The following AGTRAP variants were observed in gnomAD, a reference collection of about 807,000 sequenced individuals.
AGTRAP encodes the protein type-1 angiotensin II receptor-associated protein.
A neutral mutation model predicts 15.2 loss-of-function variants in AGTRAP; 7 were observed. That is an observed-to-expected ratio of 0.46 (90% CI 0.26 to 0.87). The LOEUF is 0.87. Among genes scored for constraint, AGTRAP ranks in the 40% least tolerant of loss-of-function variants. The pLI is 0.15. For missense variants in AGTRAP, 187 were observed against 213.4 expected, an observed-to-expected ratio of 0.88 and a Z score of 0.77; for synonymous variants, 74 against 89.6, an observed-to-expected ratio of 0.83 and a Z score of 0.98.
At chr1:11,744,891 G>A (rs879542272) in intron 1 of AGTRAP, among the ~76,000 whole-genome samples, 13 of 152,002 alleles carry the variant, frequency 8.6e-5, no homozygotes, top group Non-Finnish European at 1.5e-4. Context: ...AGTTTCTCTC[G>A]TCGCCCAGGC....
At chr1:11,744,569 G>A (rs770896782) in intron 1 of AGTRAP, 16 of 716,276 alleles carry the variant, frequency 2.2e-5, no homozygotes, top group Non-Finnish European at 3.6e-5. Context: ...TCACCCTCAC[G>A]TGAGTCCCCA....
chr1:11,749,960 A>G lies in AGTRAP; in HGVS notation c.365-117A>G, dbSNP rs963478406. ...GGGGCTGCTGCCTCTGTCTCTGTGC[A>G]TGGTGTCAGGATGCCCAGCCCGAGG... On this transcript the variant is annotated intron_variant, in intron 4 of 4. Coordinates refer to ENST00000314340, the MANE Select transcript of AGTRAP (RefSeq NM_020350.5). 5 of 710,052 alleles carry G rather than the reference A, an allele frequency of 7.0e-6. No individual in the cohort carries two copies. The Admixed American group carries it at 8.7e-5, about 12-fold the overall frequency. The allele number at this position is 710,052 out of a possible 1,614,324, so 44.0% of individuals were successfully genotyped here. A position where few individuals can be genotyped will look rare whatever the true frequency, so the allele number is the denominator to read the frequency against.
At chr1:11,740,013 A>G (rs899001001) in intron 1 of AGTRAP, among the ~76,000 whole-genome samples, 3 of 152,326 alleles carry the variant, frequency 2.0e-5, no homozygotes, top group Admixed American at 6.5e-5. Flanking sequence ...TGTCTGGGAA[A>G]GAGCTGGGCG....
In AGTRAP at chr1:11,745,760, G is replaced by A. The variant is rs1326428594; in HGVS notation, c.28-43G>A. On this transcript the variant is annotated intron_variant, in intron 1 of 4. Transcript: ENST00000314340. The surrounding 1 kb of genome is among the most constrained non-coding windows in gnomAD (Gnocchi z 4.2). ...CCGACGCTTTCCTGCCCCTGTGGTG[G>A]TCATGTTCACAGACCTCTTCTCTCC... 1 of 1,610,934 alleles carries A rather than the reference G, an allele frequency of 6.2e-7. No homozygotes were observed. The highest frequency in any genetic ancestry group is 8.5e-7 in the Non-Finnish European group (1 of 1,177,132).
At chr1:11,740,122 C>G (rs1175975406) in intron 1 of AGTRAP, among the ~76,000 whole-genome samples, 1 of 152,222 alleles carries the variant, frequency 6.6e-6, no homozygotes. Context: ...CCGTTTAGCT[C>G]AGGTTCCTTC....
At chr1:11,746,344 C>A (rs1004245145) in intron 2 of AGTRAP, 4 of 873,630 alleles carry the variant, frequency 4.6e-6, no homozygotes, top group African/African-American at 3.4e-5. Context: ...GGGACCCAGG[C>A]ACCTGCTTTC....
chr1:11,745,947 A>C lies in AGTRAP; in HGVS notation c.62+110A>C. On this transcript the variant is annotated intron_variant, in intron 2 of 4. Transcript: ENST00000314340. This position sits in a 1 kb window ranked among gnomAD's most constrained non-coding sequence, Gnocchi z 4.2. ...TTAACCAGGTCACTTTGGGCCAGACAGCTCTGCCTCTCCGGGTCTTGATTT... is the reference window on the plus strand; with the variant it reads ...TTAACCAGGTCACTTTGGGCCAGACCGCTCTGCCTCTCCGGGTCTTGATTT... 6.9e-7 allele frequency: 1 copy of C among 1,449,364 alleles called. No homozygotes were observed. The highest frequency in any genetic ancestry group is 9.7e-7 in the Non-Finnish European group (1 of 1,031,140). 89.8% of individuals were successfully genotyped at this position (1,449,364 alleles called of 1,614,324 possible). A position where few individuals can be genotyped will look rare whatever the true frequency, so the allele number is the denominator to read the frequency against.
chr1:11,738,012 G>T (rs1641942136), intron 1 of AGTRAP, among the ~76,000 whole-genome samples: 1 of 152,176 alleles, frequency 6.6e-6, no homozygotes, highest in Non-Finnish European at 1.5e-5. Context: ...TAAGTCTCAG[G>T]CAATATGTGG....
chr1:11,736,762 C>T (rs1185306103), intron 1 of AGTRAP, among the ~76,000 whole-genome samples: 4 of 152,236 alleles, frequency 2.6e-5, no homozygotes, highest in Admixed American at 2.6e-4. Flanking sequence ...AATCAAGAAG[C>T]GCGAACTCCA....
At chr1:11,741,923 C>A (rs752307122) in intron 1 of AGTRAP, among the ~76,000 whole-genome samples, 74 of 152,212 alleles carry the variant, frequency 4.9e-4, no homozygotes, top group Non-Finnish European at 8.5e-4. Flanking sequence ...TCGGTCCTTA[C>A]AGAATTATTT....
At chr1:11,739,035 G>A (rs1641964770) in intron 1 of AGTRAP, among the ~76,000 whole-genome samples, 1 of 152,098 alleles carries the variant, frequency 6.6e-6, no homozygotes, top group Admixed American at 6.6e-5. Flanking sequence ...TGCCCTCTAC[G>A]GCTCTTCGAG....
Position 11,736,248 on chromosome 1 carries a change from TG to T in AGTRAP, c.27+19del. 3.1e-6 allele frequency: 5 copies of T among 1,606,420 alleles called. No homozygotes were observed. The highest frequency in any genetic ancestry group is 4.2e-6 in the Non-Finnish European group (5 of 1,177,130). On this transcript the variant is annotated intron_variant, in intron 1 of 4. Transcript: ENST00000314340. ...TGTGAACCTGAAGGTGGCGACGGGC[TG>T]GGGGGAGGGTCCCCTTTGCGGGAGG...
chr1:11,737,733 TG>T (rs1193210019), intron 1 of AGTRAP, among the ~76,000 whole-genome samples: 2 of 152,156 alleles, frequency 1.3e-5, no homozygotes, highest in Non-Finnish European at 2.9e-5. Flanking sequence ...TTAGTCTCTT[TG>T]GGGCTTTTTT....
At chr1:11,741,959 G>C (rs1642039590) in intron 1 of AGTRAP, among the ~76,000 whole-genome samples, 1 of 152,202 alleles carries the variant, frequency 6.6e-6, no homozygotes, top group Non-Finnish European at 1.5e-5. Flanking sequence ...GCTGAGAAAG[G>C]AATTTCTTTT....
At chr1:11,742,477 T>C (rs1239250141) in intron 1 of AGTRAP, among the ~76,000 whole-genome samples, 9 of 151,868 alleles carry the variant, frequency 5.9e-5, no homozygotes, top group Non-Finnish European at 1.2e-4. Flanking sequence ...TCCTTCCTTT[T>C]CTTTCTTTTT....
At chr1:11,750,015 A>G (rs755895165) in intron 4 of AGTRAP, 62 bp from the exon 5 acceptor site, 56 of 1,386,662 alleles carry the variant, frequency 4.0e-5, no homozygotes, top group Non-Finnish European at 5.5e-5. Context: ...GGTTGGACTC[A>G]GCTGAACATC....
chr1:11,747,592 AG>A, intron 3 of AGTRAP, 47 bp downstream of exon 3: 1 of 1,580,960 alleles, frequency 6.3e-7, no homozygotes. Flanking sequence ...GCCGCAGCAC[AG>A]GGCAAGACAT....
intron 3 of AGTRAP, 138 bp from the exon 4 acceptor site, chr1:11,748,277 T>TGCCTGCTTGCTTGATCCATTTTCCC: frequency 1.0e-6 from 1 of 994,594 alleles, no homozygotes; most frequent in Non-Finnish European, 1.5e-6. Flanking sequence ...AGCGGGGCCC[T>TGCCTGCTTGCTTGATCCATTTTCCC]GCCTGCTTGC....
chr1:11,737,886 A>C (rs1328852132), intron 1 of AGTRAP, among the ~76,000 whole-genome samples: 1 of 152,200 alleles, frequency 6.6e-6, no homozygotes, highest in African/African-American at 2.4e-5. Flanking sequence ...AGCCGCTACC[A>C]GTCAGAGACA....
Sources: gnomAD v4.1 joint callset for allele counts (sites outside exome capture counted in the v4.1 genomes callset) on GRCh38, gnomAD v4.1.1 for gene constraint, Gnocchi (gnomAD v3.1) non-coding constraint, MANE v1.5 for transcripts, NCBI Gene and HGNC (gene_info 2026-07-23, HGNC 2026-07-21) for gene names.